TRPV5: variants seen among roughly 807,000 people sequenced by gnomAD.
TRPV5 encodes transient receptor potential cation channel subfamily V member 5.
In TRPV5, 66 loss-of-function variants were observed where a neutral mutation model predicts 74.1. The ratio of observed to expected loss-of-function variants is 0.89; its 90% confidence interval spans 0.73 to 1.09. TRPV5 has a LOEUF of 1.09. Ranked by LOEUF, TRPV5 falls within the 50% of genes least tolerant of loss-of-function variation. The probability of loss-of-function intolerance (pLI) is 0.00; values close to 1 mark genes in which losing one functional copy is unlikely to be tolerated. For synonymous variants in TRPV5, 399 were observed against 360.7 expected, an observed-to-expected ratio of 1.11 and a Z score of -1.20; for missense variants, 936 against 930.4, an observed-to-expected ratio of 1.01 and a Z score of -0.08.
intron 8 of TRPV5, among the ~76,000 whole-genome samples, chr7:142,919,585 A>C (rs1795851777): frequency 6.6e-6 from 1 of 152,232 alleles, no homozygotes; most frequent in Admixed American, 6.5e-5. Context: ...CTTTAAAAAT[A>C]AATATCATCT....
chr7:142,923,780 A>T (rs117488017), intron 8 of TRPV5, among the ~76,000 whole-genome samples: 149,793 of 152,300 alleles, frequency 0.98, 73,706 homozygotes, highest in African/African-American at 1. Context: ...AAGAAATGTG[A>T]TTGTACATAA....
At chr7:142,926,581 A>G (rs1218176098) in intron 7 of TRPV5, among the ~76,000 whole-genome samples, 1 of 152,132 alleles carries the variant, frequency 6.6e-6, no homozygotes, top group Admixed American at 6.5e-5. Flanking sequence ...GAAAGCCTCT[A>G]TTTTTGTCCT....
chr7:142,930,503 A>T (rs1586230264), intron 1 of TRPV5, 57 bp from the exon 2 acceptor site: 2 of 1,261,490 alleles, frequency 1.6e-6, no homozygotes, highest in Non-Finnish European at 2.3e-6. Flanking sequence ...TGAGGCCAAG[A>T]GCAAAGGGGA....
chr7:142,933,667 G>C lies in TRPV5; in HGVS notation c.-208C>G, dbSNP rs577257861. The stretch of plus-strand genomic sequence containing the variant: ...TGTGGGGTGTGCGTGTATGCACAGT[G>C]TGTGGCTGTGGTGTATGTGTGTGCA... On this transcript the variant is annotated 5_prime_UTR_variant, in exon 1 of 15. Transcript: ENST00000265310. 2 of 629,654 alleles carry C rather than the reference G, an allele frequency of 3.2e-6. No individual in the cohort carries two copies. Among genetic ancestry groups the C allele is most frequent in the Non-Finnish European group, 5.5e-6 (2 of 366,658 alleles). The allele number at this position is 629,654 out of a possible 1,614,324, so 39.0% of individuals were successfully genotyped here. A position where few individuals can be genotyped will look rare whatever the true frequency, so the allele number is the denominator to read the frequency against.
intron 7 of TRPV5, 24 bp downstream of exon 7, chr7:142,928,064 C>T (rs781712799): frequency 6.2e-7 from 1 of 1,613,956 alleles, no homozygotes; most frequent in South Asian, 1.1e-5. Flanking sequence ...ACATGACAGG[C>T]CTGATCCTCC....
chr7:142,923,593 C>G (rs952374317), intron 8 of TRPV5, among the ~76,000 whole-genome samples: 7 of 152,158 alleles, frequency 4.6e-5, no homozygotes, highest in African/African-American at 1.7e-4. Context: ...AAAGTCTTCT[C>G]TTTGAGCTGA....
chr7:142,926,708 C>G (rs1449287793), intron 7 of TRPV5, among the ~76,000 whole-genome samples: 1 of 152,168 alleles, frequency 6.6e-6, no homozygotes, highest in African/African-American at 2.4e-5. Context: ...CTTATGAAAC[C>G]TGCTGGAGAA....
At chr7:142,928,310 G>A (rs1434548902) in intron 6 of TRPV5, 76 bp from the exon 7 acceptor site, 11 of 1,522,208 alleles carry the variant, frequency 7.2e-6, no homozygotes, top group Non-Finnish European at 8.2e-6. Context: ...ATTGGATGGA[G>A]CCAGTTGCCC....
At chr7:142,927,731 C>T (rs1283453174) in intron 7 of TRPV5, among the ~76,000 whole-genome samples, 4 of 152,224 alleles carry the variant, frequency 2.6e-5, no homozygotes, top group African/African-American at 7.2e-5. Flanking sequence ...CAGGCCCCTT[C>T]TCCAACACTG....
In TRPV5 at chr7:142,914,925, G is replaced by A. The variant is rs756593610; in HGVS notation, c.1408C>T (p.Arg470Ter). 7.4e-6 allele frequency: 12 copies of A among 1,614,002 alleles called. No homozygotes were observed. Among genetic ancestry groups the A allele is most frequent in the East Asian group, 2.2e-5 (1 of 44,892 alleles). Residue 470 changes from arginine (R) to a stop codon, truncating the protein, a stop_gained, in exon 11 of 15, where the codon CGA becomes TGA. Transcript: ENST00000265310. LOFTEE classifies it high-confidence loss of function. ...AAGGGACCCAGCATCTGGAATCCTCGAGTGAAATACATGACACTGCACCAG... is the reference window on the plus strand; with the variant it reads ...AAGGGACCCAGCATCTGGAATCCTCAAGTGAAATACATGACACTGCACCAG... Reference protein sequence around the residue: ...LGWCSVMYFTRGFQMLGPFTI... With the variant: ...LGWCSVMYFT
intron 8 of TRPV5, among the ~76,000 whole-genome samples, chr7:142,918,479 C>G (rs4252473): frequency 1.6e-4 from 24 of 152,218 alleles, no homozygotes; most frequent in African/African-American, 5.8e-4. Flanking sequence ...CCACCCCGCA[C>G]AATGCTTCTG....
At position 142,917,226 on chromosome 7, in the gene TRPV5, T is replaced by C. The variant is rs369031530; in HGVS notation, c.1123-1658A>G. Among the ~76,000 whole-genome samples the C allele has an allele frequency of 2.1e-4, 32 of 152,302 alleles. 1 individual carries two copies. The South Asian group carries it at 6.6e-3, about 32-fold the overall frequency. On this transcript the variant is annotated intron_variant, in intron 8 of 14. Coordinates refer to ENST00000265310, the MANE Select transcript of TRPV5 (RefSeq NM_019841.7). ...ATGTTTCTATAGCATCTGTCTTTTA[T>C]TGTAAAACATGCCAACTCCTTCACA... is the stretch of plus-strand genomic sequence containing the variant.
intron 8 of TRPV5, among the ~76,000 whole-genome samples, chr7:142,924,275 T>TATATACATATACATGTATATATATAC (rs1795935353): frequency 8.2e-6 from 1 of 121,430 alleles, no homozygotes; most frequent in Admixed American, 9.0e-5. Context: ...CATATATATA[T>TATATACATATACATGTATATATATAC]ATATACATAT....
intron 8 of TRPV5, among the ~76,000 whole-genome samples, chr7:142,924,344 A>ATATATACATATACATG (rs1795942659): frequency 6.5e-4 from 7 of 10,834 alleles, no homozygotes; most frequent in Admixed American, 3.0e-3. Context: ...ATACATATAT[A>ATATATACATATACATG]TATATATAGA....
chr7:142,924,234 A>ATATATATATACATATACATG (rs1302809465), intron 8 of TRPV5, among the ~76,000 whole-genome samples: 5 of 140,378 alleles, frequency 3.6e-5, no homozygotes, highest in African/African-American at 1.4e-4. Context: ...ATATACATAT[A>ATATATATATACATATACATG]TATATATATA....
chr7:142,933,403 C>G lies in TRPV5; in HGVS notation c.57G>C (p.Leu19=). ...CTTGTTCTCTGACCAGAAAGGAGGG[C>G]AGAAGTTTCTGGAGTTGGCTCCCGG... is the stretch of plus-strand genomic sequence containing the variant. ...EGPGSQLQKL[L]PSFLVREQDW... is the part of the protein sequence containing the mutation. Residue 19 remains leucine (L), a synonymous_variant, in exon 1 of 15, where the codon CTG becomes CTC. Transcript: ENST00000265310. The G allele has an allele frequency of 6.2e-7, 1 of 1,614,140 alleles. No individual in the cohort carries two copies. Among genetic ancestry groups the G allele is most frequent in the Non-Finnish European group, 8.5e-7 (1 of 1,180,028 alleles).
intron 8 of TRPV5, among the ~76,000 whole-genome samples, chr7:142,923,924 C>T (rs934267679): frequency 3.3e-5 from 5 of 151,994 alleles, no homozygotes; most frequent in Admixed American, 6.6e-5. Context: ...AAATTTGAGA[C>T]AAAGGAAGGT....
In TRPV5 at chr7:142,908,772, C is replaced by A. The variant is rs760704626; in HGVS notation, c.1932G>T (p.Val644=). The A allele has an allele frequency of 1.2e-6, 2 of 1,613,588 alleles. No individual in the cohort carries two copies. Among genetic ancestry groups the A allele is most frequent in the South Asian group, 1.1e-5 (1 of 91,072 alleles). Residue 644 remains valine, a synonymous_variant, in exon 15 of 15, where the codon GTG becomes GTT. Coordinates refer to ENST00000265310, the MANE Select transcript of TRPV5 (RefSeq NM_019841.7). ...TCTTGAACACTTCCACATAGCGAAGCACTCGCAGAGGATTCTGATCATTGT... is the reference window on the plus strand; with the variant it reads ...TCTTGAACACTTCCACATAGCGAAGAACTCGCAGAGGATTCTGATCATTGT... The part of the protein sequence containing the change: ...ENHNDQNPLR[V]LRYVEVFKNS...
Position 142,929,538 on chromosome 7 carries a change from A to C in TRPV5, c.377T>G (p.Val126Gly). ...AGQTALHIAV[V>G]NQNVNLVRAL... is the part of the protein sequence containing the mutation. ...ACGCACCAGGTTCACATTCTGGTTC[A>C]CAACAGCGATGTGCAGTGCAGTCTG... The change falls in exon 4 of 15, where the codon GTG becomes GGG. Residue 126 changes from valine to glycine, a missense_variant. Physicochemically the swap from Val to Gly is moderately radical, Grantham distance 109. Coordinates refer to ENST00000265310, the MANE Select transcript of TRPV5 (RefSeq NM_019841.7). 1 of 1,614,154 alleles carries C rather than the reference A, an allele frequency of 6.2e-7. No homozygotes were observed. Among genetic ancestry groups the C allele is most frequent in the Non-Finnish European group, 8.5e-7 (1 of 1,180,000 alleles).
Sources: gnomAD v4.1 joint callset for allele counts (sites outside exome capture counted in the v4.1 genomes callset) on GRCh38, gnomAD v4.1.1 for gene constraint, MANE v1.5 for transcripts, NCBI Gene and HGNC (gene_info 2026-07-23, HGNC 2026-07-21) for gene names.